Variants in INKA2 observed in about 807,000 individuals in gnomAD.
The protein encoded by INKA2 is inka box actin regulator 2.
INKA2 carries 3 observed loss-of-function variants against 9.8 expected under a neutral mutation model. The ratio of observed to expected loss-of-function variants is 0.31; its 90% CI spans 0.14 to 0.79. The LOEUF (loss-of-function observed/expected upper bound fraction) is 0.79, where lower values mean the gene tolerates loss of function less well. INKA2 is among the 30% of genes least tolerant of loss of function. The probability of loss-of-function intolerance (pLI) is 0.62; values close to 1 mark genes in which losing one functional copy is unlikely to be tolerated. For synonymous variants in INKA2, 147 were observed against 143.3 expected (o/e 1.03, Z -0.18); for missense variants, 392 against 384.4 (o/e 1.02, Z -0.17).
chr1:111,739,395 CG>C, upstream of INKA2: 1 of 1,484,112 alleles, frequency 6.7e-7, no homozygotes, highest in Non-Finnish European at 8.9e-7. Context: ...GACTCAGAGT[CG>C]CTTCCCCAGC....
intron 1 of INKA2, chr1:111,753,899 TATCAAAAGGAGCAGG>T (rs1420121430): frequency 6.6e-6 from 1 of 152,078 alleles, no homozygotes; most frequent in Non-Finnish European, 1.5e-5. Flanking sequence ...TAAAAAAGGG[TATCAAAAGGAGCAGG>T]ATCAAAAGGA....
intron 1 of INKA2, among the ~76,000 whole-genome samples, chr1:111,738,051 G>C (rs1663043056): frequency 6.6e-6 from 1 of 152,232 alleles, no homozygotes; most frequent in African/African-American, 2.4e-5. Flanking sequence ...CTAGATCCAG[G>C]CCTGCTGTTG....
chr1:111,742,005 C>T (rs1208743396), upstream of INKA2, among the ~76,000 whole-genome samples: 3 of 152,136 alleles, frequency 2.0e-5, no homozygotes, highest in Non-Finnish European at 4.4e-5. Context: ...CATGAGCCAC[C>T]GTGCCTGGCC....
intron 1 of INKA2, among the ~76,000 whole-genome samples, chr1:111,752,942 C>T (rs920030878): frequency 1.3e-5 from 2 of 152,184 alleles, no homozygotes; most frequent in African/African-American, 2.4e-5. Context: ...TTGTGATCCG[C>T]CCACCTCGGC....
At chr1:111,727,902 C>T (rs1662823351) in intron 1 of INKA2, 98 bp from the exon 2 acceptor site, 2 of 1,114,696 alleles carry the variant, frequency 1.8e-6, no homozygotes, top group African/African-American at 1.5e-5. Flanking sequence ...ACATACACTT[C>T]CAGGGTCATC....
chr1:111,739,182 T>C lies in INKA2; in HGVS notation c.57+4A>G. 6.2e-7 allele frequency: 1 copy of C among 1,613,464 alleles called. No homozygotes were observed. The highest frequency in any genetic ancestry group is 1.7e-5 in the Admixed American group (1 of 60,010). ...CCCTGCCCCGGCGCCAGCTTCGCTC[T>C]TACCAGCTCCTGTTTGAGGCGACGG... On this transcript the variant is annotated splice_donor_region_variant and intron_variant, in intron 1 of 1. Transcript: ENST00000357260.
At chr1:111,728,042 CACACACACA>C (rs1221165985) in intron 1 of INKA2, among the ~76,000 whole-genome samples, 1 of 145,988 alleles carries the variant, frequency 6.8e-6, no homozygotes, top group African/African-American at 2.7e-5. Context: ...ACCCCATACA[CACACACACA>C]CACACACACA....
chr1:111,742,782 G>A (rs541816643), upstream of INKA2, among the ~76,000 whole-genome samples: 1 of 152,378 alleles, frequency 6.6e-6, no homozygotes, highest in South Asian at 2.1e-4. Flanking sequence ...TTTTAGACAA[G>A]TCTGAGGTGG....
chr1:111,755,505 G>GTATCATTAAAA, intron 1 of INKA2: 2 of 614,062 alleles, frequency 3.3e-6, no homozygotes, highest in East Asian at 3.0e-5. Flanking sequence ...GCCGCGAAGC[G>GTATCATTAAAA]AGACAGGCCA....
At chr1:111,755,110 G>C (rs1376279215) in intron 1 of INKA2, 1 of 155,518 alleles carries the variant, frequency 6.4e-6, no homozygotes, top group African/African-American at 2.4e-5. Context: ...GAGTCTATTA[G>C]GCATCCCAAG....
In INKA2 at chr1:111,739,281, C is replaced by T. The variant is rs981694145; in HGVS notation, c.-39G>A. The T allele has an allele frequency of 6.2e-7, 1 of 1,612,362 alleles. No individual in the cohort carries two copies. The stretch of plus-strand genomic sequence containing the variant: ...GGGTTCGGTTCAAACAGAGAGGGCC[C>T]GGGTGAAACCCCGGCCCCACTGGAA... On this transcript the variant is annotated 5_prime_UTR_variant, in exon 1 of 2. Transcript: ENST00000357260.
upstream of INKA2, among the ~76,000 whole-genome samples, chr1:111,740,929 G>C (rs1458947114): frequency 4.4e-5 from 6 of 137,544 alleles, no homozygotes; most frequent in African/African-American, 1.6e-4. Flanking sequence ...CCGAGATCGG[G>C]CCATTGCACT....
chr1:111,748,027 A>C (rs971297686), intron 1 of INKA2, among the ~76,000 whole-genome samples: 1 of 152,148 alleles, frequency 6.6e-6, no homozygotes, highest in Non-Finnish European at 1.5e-5. Flanking sequence ...ATGAAATGTA[A>C]TTAGGTAGAG....
chr1:111,755,719 T>A, exon 1 of INKA2: 2 of 1,613,760 alleles, frequency 1.2e-6, no homozygotes, highest in South Asian at 2.2e-5. Flanking sequence ...TCATCTTTCC[T>A]CTCCTCCCTC....
chr1:111,736,491 A>C (rs1261523074), intron 1 of INKA2, among the ~76,000 whole-genome samples: 28 of 152,222 alleles, frequency 1.8e-4, no homozygotes, highest in Admixed American at 1.8e-3. Context: ...TGACAAAGAT[A>C]ATTTCACAAC....
chr1:111,729,108 C>G (rs1557909415), intron 1 of INKA2, among the ~76,000 whole-genome samples: 1 of 152,114 alleles, frequency 6.6e-6, no homozygotes, highest in Admixed American at 6.5e-5. Flanking sequence ...CTGTCCTCTA[C>G]AGGACAGTGA....
chr1:111,727,523 T>C lies in INKA2; in HGVS notation c.339A>G (p.Gly113=), dbSNP rs1405602247. The change falls in exon 2 of 2, where the codon GGA becomes GGG. Residue 113 remains glycine (G), a synonymous_variant. Coordinates refer to ENST00000357260, the MANE Select transcript of INKA2 (RefSeq NM_019099.5). ...TCCTGGGCAAGGGGGCTAAATCCCT[T>C]CCACAGACACTCCTATGGGATGGAA... ...TKFPSHRSVC[G]RDLAPLPRTQ... 6.8e-6 allele frequency: 11 copies of C among 1,614,016 alleles called. No homozygotes were observed. The highest frequency in any genetic ancestry group is 1.3e-5 in the African/African-American group (1 of 74,922).
chr1:111,731,667 T>C (rs1662907266), intron 1 of INKA2, among the ~76,000 whole-genome samples: 1 of 152,186 alleles, frequency 6.6e-6, no homozygotes, highest in Non-Finnish European at 1.5e-5. Context: ...TCTCCACTCT[T>C]TAAAATGGGA....
At chr1:111,753,041 A>G (rs1663444443) in intron 1 of INKA2, 2 of 152,132 alleles carry the variant, frequency 1.3e-5, no homozygotes, top group Non-Finnish European at 2.9e-5. Context: ...GTGCAAAATG[A>G]TTGGATGAGA....
Sources: allele counts gnomAD v4.1 joint callset (sites outside exome capture counted in the v4.1 genomes callset), GRCh38; gene constraint gnomAD v4.1.1; transcripts MANE v1.5; gene names NCBI Gene and HGNC (gene_info 2026-07-23, HGNC 2026-07-21).